The following PCDH15 variants were observed in gnomAD, a reference collection of about 807,000 sequenced individuals.
The protein encoded by PCDH15 is protocadherin related 15.
Under a neutral mutation model 178.5 loss-of-function variants are expected in PCDH15, and 129 were observed. The ratio of observed to expected loss-of-function variants is 0.72; its 90% CI spans 0.63 to 0.84. The LOEUF is 0.84. PCDH15 is among the 40% of genes least tolerant of loss of function. PCDH15 has a pLI of 0.00. For missense variants in PCDH15, 2,230 were observed against 2,099.9 expected (o/e 1.06, Z -1.21); for synonymous variants, 800 against 732.0 (o/e 1.09, Z -1.50).
intron 2 of PCDH15, among the ~76,000 whole-genome samples, chr10:54,589,815 C>A (rs547013378): frequency 2.0e-5 from 3 of 152,248 alleles, no homozygotes; most frequent in Admixed American, 2.0e-4. Context: ...CCAGGGTGAT[C>A]TCGATCTCCT....
chr10:55,387,266 C>G (rs1230349149), intron 2 of PCDH15, among the ~76,000 whole-genome samples: 2 of 152,024 alleles, frequency 1.3e-5, no homozygotes, highest in African/African-American at 4.8e-5. Context: ...CCTAGGATCG[C>G]TGATAGTTAC....
At chr10:55,285,786 A>G (rs1449363322) in intron 1 of PCDH15, among the ~76,000 whole-genome samples, 3 of 151,916 alleles carry the variant, frequency 2.0e-5, no homozygotes, top group Non-Finnish European at 4.4e-5. Context: ...AAGAGTTAAT[A>G]GAAAATAAGA....
At chr10:53,816,151 A>ACC (rs1012690744) in intron 35 of PCDH15, 88 bp downstream of exon 35, 3 of 398,102 alleles carry the variant, frequency 7.5e-6, no homozygotes, top group Non-Finnish European at 1.3e-5. Context: ...ATTGGCAGAC[A>ACC]CCCACTCTGC....
At chr10:54,110,403 G>A (rs1307007637) in intron 15 of PCDH15, among the ~76,000 whole-genome samples, 2 of 151,296 alleles carry the variant, frequency 1.3e-5, no homozygotes, top group East Asian at 3.9e-4. Context: ...ATATATATAA[G>A]TAAACAAAGG....
intron 21 of PCDH15, among the ~76,000 whole-genome samples, chr10:53,987,861 T>C (rs1423940966): frequency 2.6e-5 from 4 of 152,206 alleles, no homozygotes; most frequent in Admixed American, 6.5e-5. Flanking sequence ...TTCCCTTCCA[T>C]CTTGTCAGTC....
At chr10:53,822,424 G>A in intron 32 of PCDH15, 3 of 1,579,178 alleles carry the variant, frequency 1.9e-6, no homozygotes, top group Admixed American at 1.8e-5. Context: ...ATGTCAGGAG[G>A]AGGAGCAAGA....
At chr10:54,656,228 G>T (rs551649431) in intron 2 of PCDH15, among the ~76,000 whole-genome samples, 59 of 152,198 alleles carry the variant, frequency 3.9e-4, no homozygotes, top group Middle Eastern at 3.4e-3. Context: ...ACAGTCAGAT[G>T]AGAGCCAGGA....
intron 1 of PCDH15, among the ~76,000 whole-genome samples, chr10:55,240,928 G>GT (rs1379509394): frequency 1.3e-5 from 2 of 152,088 alleles, no homozygotes; most frequent in Non-Finnish European, 2.9e-5. Flanking sequence ...TATAAAAACT[G>GT]TTTTAAGACC....
chr10:54,329,545 T>G, intron 7 of PCDH15, 51 bp downstream of exon 7: 1 of 1,393,116 alleles, frequency 7.2e-7, no homozygotes, highest in Non-Finnish European at 1.0e-6. Flanking sequence ...TTGGATGAGT[T>G]TTTTACTTCA....
At chr10:55,447,298 C>T (rs909200613) in intron 2 of PCDH15, among the ~76,000 whole-genome samples, 2 of 151,894 alleles carry the variant, frequency 1.3e-5, no homozygotes, top group Non-Finnish European at 2.9e-5. Flanking sequence ...GATTTAAAAA[C>T]TCTATGGGGA....
In PCDH15 at chr10:54,551,684, AT is replaced by A. The variant is rs540938821; in HGVS notation, c.92-23808del. 6.3e-3 allele frequency among the ~76,000 whole-genome samples: 957 copies of A among 152,190 alleles called. 12 individuals are homozygous for A. The highest frequency in any genetic ancestry group is 0.022 in the African/African-American group (919 of 41,564). ...CAAATCTAGAAATTAAATGTATCATATTTTCCATACTGTTTTTGTTTCAATC... is the reference window on the plus strand; with the variant it reads ...CAAATCTAGAAATTAAATGTATCATATTTCCATACTGTTTTTGTTTCAATC... On this transcript the variant is annotated intron_variant, in intron 2 of 37. Transcript: ENST00000644397.
At chr10:54,912,129 A>G (rs1954829389) in intron 2 of PCDH15, among the ~76,000 whole-genome samples, 1 of 152,152 alleles carries the variant, frequency 6.6e-6, no homozygotes, top group Non-Finnish European at 1.5e-5. Flanking sequence ...GTCATAATAC[A>G]GTGAGTACCA....
chr10:55,132,188 C>T (rs1384146097), intron 2 of PCDH15, among the ~76,000 whole-genome samples: 2 of 152,146 alleles, frequency 1.3e-5, no homozygotes, highest in Non-Finnish European at 2.9e-5. Flanking sequence ...CCCACCACTG[C>T]CATCACAATT....
intron 2 of PCDH15, among the ~76,000 whole-genome samples, chr10:54,536,721 C>T (rs189592796): frequency 6.7e-6 from 1 of 149,868 alleles, no homozygotes; most frequent in Admixed American, 6.6e-5. Flanking sequence ...TGTTTAGCTG[C>T]TACATATAAG....
At chr10:55,620,844 C>T (rs1430135683) in intron 2 of PCDH15, among the ~76,000 whole-genome samples, 1 of 151,318 alleles carries the variant, frequency 6.6e-6, no homozygotes, top group African/African-American at 2.4e-5. Flanking sequence ...ATATAAAATA[C>T]AACTCAAATG....
Position 55,254,562 on chromosome 10 carries a change from T to C in PCDH15, c.-156+65037A>G, listed in dbSNP as rs534390214. On this transcript the variant is annotated intron_variant, in intron 1 of 5. Transcript: ENST00000458638. ...CAGAAGTTTATAATCTTCTACTATT[T>C]GGTCAAGACAGGACATAGAAAAAAA... Among the ~76,000 whole-genome samples the C allele has an allele frequency of 1.4e-3, 216 of 152,296 alleles. 2 individuals are homozygous for C. Among genetic ancestry groups the C allele is most frequent in the South Asian group, 0.014 (68 of 4,824 alleles).
At chr10:55,191,470 T>C (rs1356438552) in intron 1 of PCDH15, among the ~76,000 whole-genome samples, 3 of 151,828 alleles carry the variant, frequency 2.0e-5, no homozygotes, top group South Asian at 4.1e-4. Flanking sequence ...TACACTTGTC[T>C]CAGGAATGCA....
chr10:55,203,995 G>C (rs1840325026), intron 1 of PCDH15, among the ~76,000 whole-genome samples: 6 of 151,876 alleles, frequency 4.0e-5, no homozygotes, highest in Admixed American at 3.9e-4. Context: ...TGGATTGCAT[G>C]AGTCCAGGAG....
At chr10:55,019,190 G>C (rs182868783) in intron 2 of PCDH15, among the ~76,000 whole-genome samples, 1 of 147,820 alleles carries the variant, frequency 6.8e-6, no homozygotes, top group Admixed American at 6.8e-5. Flanking sequence ...TATTACAGAC[G>C]AATACATTTA....
Sources: gnomAD v4.1 joint callset for allele counts (sites outside exome capture counted in the v4.1 genomes callset) on GRCh38, gnomAD v4.1.1 for gene constraint, MANE v1.5 for transcripts, NCBI Gene and HGNC (gene_info 2026-07-23, HGNC 2026-07-21) for gene names.